Variants in GOLM2 observed in about 807,000 individuals in gnomAD.
The protein encoded by GOLM2 is protein GOLM2.
GOLM2 carries 26 observed loss-of-function variants against 55.9 expected under a neutral mutation model. The ratio of observed to expected loss-of-function variants is 0.47; its 90% CI spans 0.34 to 0.65. GOLM2 has a LOEUF of 0.65. Among genes scored for constraint, GOLM2 ranks in the 30% least tolerant of loss-of-function variants. The pLI, the probability that GOLM2 is intolerant of heterozygous loss-of-function variation, is 0.01. For missense variants in GOLM2, 486 were observed against 531.8 expected (o/e 0.91, Z 0.85); for synonymous variants, 165 against 194.6 (o/e 0.85, Z 1.27).
intron 6 of GOLM2, among the ~76,000 whole-genome samples, chr15:44,358,870 C>T (rs1032337533): frequency 6.6e-6 from 1 of 152,142 alleles, no homozygotes; most frequent in Non-Finnish European, 1.5e-5. Flanking sequence ...GATTTAGAAA[C>T]TTCTGGCCGG....
intron 1 of GOLM2, among the ~76,000 whole-genome samples, chr15:44,313,505 A>G (rs772955127): frequency 2.7e-4 from 41 of 151,868 alleles, no homozygotes; most frequent in Non-Finnish European, 5.4e-4. Context: ...TTCTCATTCT[A>G]CTCTCTTACT....
chr15:44,299,926 C>CAAAA (rs1009141482), intron 1 of GOLM2, among the ~76,000 whole-genome samples: 4 of 11,534 alleles, frequency 3.5e-4, no homozygotes, highest in Non-Finnish European at 1.0e-3. Context: ...GGCAACATAG[C>CAAAA]AAAAAAAAAA....
At chr15:44,327,426 A>G (rs1267665824) in intron 2 of GOLM2, among the ~76,000 whole-genome samples, 1 of 151,964 alleles carries the variant, frequency 6.6e-6, no homozygotes, top group Non-Finnish European at 1.5e-5. Flanking sequence ...CTTTTTACTC[A>G]GGAAAGTGGC....
At chr15:44,392,953 C>G (rs368547125) in intron 8 of GOLM2, among the ~76,000 whole-genome samples, 19 of 152,230 alleles carry the variant, frequency 1.2e-4, no homozygotes, top group African/African-American at 4.1e-4. Context: ...TTCTCAAAAA[C>G]CTTCCCTTGA....
intron 6 of GOLM2, among the ~76,000 whole-genome samples, chr15:44,362,365 T>C (rs1211290011): frequency 2.6e-5 from 4 of 151,814 alleles, no homozygotes; most frequent in East Asian, 1.9e-4. Context: ...AAAATCAATG[T>C]ACAAAAATCA....
At chr15:44,386,559 A>T (rs2079445340) in intron 8 of GOLM2, among the ~76,000 whole-genome samples, 2 of 152,154 alleles carry the variant, frequency 1.3e-5, no homozygotes, top group Non-Finnish European at 2.9e-5. Context: ...ATTTCTACTA[A>T]AAAGGCAGCG....
chr15:44,378,563 TG>T (rs2079380490), intron 6 of GOLM2, among the ~76,000 whole-genome samples: 5 of 149,892 alleles, frequency 3.3e-5, no homozygotes, highest in Admixed American at 1.3e-4. Context: ...TTCACCTTGT[TG>T]GCCAAGCTGG....
chr15:44,361,042 A>G (rs1369567453), intron 6 of GOLM2, among the ~76,000 whole-genome samples: 9 of 151,132 alleles, frequency 6.0e-5, no homozygotes, highest in Non-Finnish European at 1.2e-4. Flanking sequence ...TCTCTGGGAC[A>G]CATTCAAAGC....
intron 1 of GOLM2, among the ~76,000 whole-genome samples, chr15:44,310,504 A>ACACC (rs2078868415): frequency 7.1e-6 from 1 of 141,658 alleles, no homozygotes; most frequent in African/African-American, 2.6e-5. Flanking sequence ...ACACACACCC[A>ACACC]CACACACACA....
At chr15:44,334,589 C>A (rs1335551982) in intron 4 of GOLM2, among the ~76,000 whole-genome samples, 1 of 152,044 alleles carries the variant, frequency 6.6e-6, no homozygotes, top group Admixed American at 6.6e-5. Flanking sequence ...TATCTTAGTA[C>A]TTGGGAAAAT....
rs1555424784 is a variant in GOLM2, at chr15:44,366,310, A to AAAAAAAAAC, written c.803-13376_803-13375insAAAACAAAA. Among the ~76,000 whole-genome samples, 5 of 150,534 alleles carry AAAAAAAAAC rather than the reference A, an allele frequency of 3.3e-5. No homozygotes were observed. In the South Asian group the frequency reaches 1.0e-3, roughly 32 times the overall value. ...AGACTCCGTCTCAAAAAAAAAAAAA[A>AAAAAAAAAC]AAAACAAAACAAACAAACCACAAAA... On this transcript the variant is annotated intron_variant, in intron 6 of 9. Coordinates refer to ENST00000299957, the MANE Select transcript of GOLM2 (RefSeq NM_138423.4).
At chr15:44,327,843 C>T (rs996339273) in intron 2 of GOLM2, among the ~76,000 whole-genome samples, 3 of 152,178 alleles carry the variant, frequency 2.0e-5, no homozygotes, top group Admixed American at 6.5e-5. Context: ...TCACATGATT[C>T]ATTTCCACTA....
At chr15:44,330,851 A>T (rs531506336) in intron 3 of GOLM2, among the ~76,000 whole-genome samples, 1 of 152,320 alleles carries the variant, frequency 6.6e-6, no homozygotes, top group East Asian at 1.9e-4. Context: ...GCATAGATGA[A>T]AGGTTGCTTT....
In GOLM2 at chr15:44,339,851, G is replaced by A. The variant is rs544725862; in HGVS notation, c.802+1534G>A. Among the ~76,000 whole-genome samples the A allele has an allele frequency of 1.1e-4, 16 of 151,332 alleles. No homozygotes were observed. The South Asian group carries it at 2.9e-3, about 28-fold the overall frequency. ...TTTTATTTTTGTGATATGGGATCTC[G>A]CTCTGTCACCCAGGCCAGAGTGCAG... On this transcript the variant is annotated intron_variant, in intron 6 of 9. Transcript: ENST00000299957.
intron 1 of GOLM2, among the ~76,000 whole-genome samples, chr15:44,291,035 T>A (rs1360871977): frequency 6.6e-6 from 1 of 151,744 alleles, no homozygotes; most frequent in Admixed American, 6.6e-5. Flanking sequence ...ACTACCAACC[T>A]CAGGTGATCC....
chr15:44,409,285 A>G (rs1398926011), intron 9 of GOLM2, among the ~76,000 whole-genome samples: 4 of 147,724 alleles, frequency 2.7e-5, no homozygotes, highest in South Asian at 4.3e-4. Context: ...CTCCGTCTCA[A>G]AAAAAAAAAG....
intron 6 of GOLM2, among the ~76,000 whole-genome samples, chr15:44,375,876 T>G (rs1379618560): frequency 6.6e-6 from 1 of 152,182 alleles, no homozygotes; most frequent in Non-Finnish European, 1.5e-5. Flanking sequence ...ATTTGTTATA[T>G]CCATAAAAGT....
At chr15:44,375,152 C>G (rs933472435) in intron 6 of GOLM2, among the ~76,000 whole-genome samples, 1 of 152,082 alleles carries the variant, frequency 6.6e-6, no homozygotes, top group African/African-American at 2.4e-5. Context: ...TCCTGAATAG[C>G]TGGGATTACA....
At chr15:44,391,551 A>G (rs2079489609) in intron 8 of GOLM2, among the ~76,000 whole-genome samples, 2 of 151,922 alleles carry the variant, frequency 1.3e-5, no homozygotes, top group Admixed American at 1.3e-4. Context: ...GATCGTCAGC[A>G]CACATTAAGA....
Sources: allele counts gnomAD v4.1 joint callset (sites outside exome capture counted in the v4.1 genomes callset), GRCh38; gene constraint gnomAD v4.1.1; transcripts MANE v1.5; gene names NCBI Gene and HGNC (gene_info 2026-07-23, HGNC 2026-07-21).